PDE7B: variants seen among roughly 807,000 people sequenced by gnomAD.
PDE7B encodes the protein phosphodiesterase 7B, also known as 3',5'-cyclic-AMP phosphodiesterase 7B.
PDE7B carries 29 observed loss-of-function variants against 56.2 expected under a neutral mutation model. The ratio of observed to expected loss-of-function variants is 0.52; its 90% CI spans 0.38 to 0.70. The LOEUF is 0.70. PDE7B is among the 30% of genes least tolerant of loss of function. The pLI is 0.00. For missense variants in PDE7B, 490 were observed against 565.0 expected, an observed-to-expected ratio of 0.87 and a Z score of 1.35; for synonymous variants, 197 against 196.9, an observed-to-expected ratio of 1.00 and a Z score of 0.00.
chr6:135,873,055 T>C (rs1036684571), intron 1 of PDE7B, among the ~76,000 whole-genome samples: 4 of 152,152 alleles, frequency 2.6e-5, no homozygotes, highest in African/African-American at 9.7e-5. Context: ...TAACGAATAA[T>C]TTTTGTATAC....
chr6:136,023,106 A>G (rs1041139877), intron 2 of PDE7B, among the ~76,000 whole-genome samples: 1 of 152,160 alleles, frequency 6.6e-6, no homozygotes, highest in African/African-American at 2.4e-5. Flanking sequence ...CTGAGTCTCC[A>G]TCAGGCACTG....
intron 2 of PDE7B, among the ~76,000 whole-genome samples, chr6:135,956,774 C>G (rs965740777): frequency 4.0e-5 from 6 of 149,230 alleles, no homozygotes; most frequent in African/African-American, 1.5e-4. Flanking sequence ...AGAGCAAGAC[C>G]CTCTCAAAAA....
intron 2 of PDE7B, among the ~76,000 whole-genome samples, chr6:136,026,504 T>C (rs1776153567): frequency 2.0e-5 from 3 of 152,220 alleles, no homozygotes; most frequent in African/African-American, 4.8e-5. Context: ...TTTTCTTCAA[T>C]TCATCGGACT....
Position 136,151,164 on chromosome 6 carries a change from C to G in PDE7B, c.387C>G (p.Asn129Lys), listed in dbSNP as rs778430970. 6.3e-7 allele frequency: 1 copy of G among 1,591,372 alleles called. No homozygotes were observed. The highest frequency in any genetic ancestry group is 8.6e-7 in the Non-Finnish European group (1 of 1,160,454). ...IFLFDRLTNG[N>K]SLVTLLCHLF... ...GAAGTGACTGTTTTCCTGCAGGAAA[C>G]AGCCTGGTAACACTGTTGTGCCACC... The change falls in exon 6 of 13, where the codon AAC becomes AAG. Residue 129 changes from asparagine (N) to lysine (K), a missense_variant. Physicochemically the swap from Asn to Lys is moderately conservative, Grantham distance 94 (BLOSUM62 0). Coordinates refer to ENST00000308191, the MANE Select transcript of PDE7B (RefSeq NM_018945.4).
chr6:136,066,852 CTT>C (rs566149848), intron 2 of PDE7B, among the ~76,000 whole-genome samples: 47 of 138,230 alleles, frequency 3.4e-4, no homozygotes, highest in African/African-American at 6.9e-4. Context: ...TAACCATAAC[CTT>C]TTTTTTTTTT....
chr6:136,100,025 T>C (rs1010712166), intron 2 of PDE7B, among the ~76,000 whole-genome samples: 2 of 152,218 alleles, frequency 1.3e-5, no homozygotes, highest in African/African-American at 4.8e-5. Flanking sequence ...ATTTATTAAA[T>C]AGGGAATCCT....
At position 136,117,728 on chromosome 6, in the gene PDE7B, C is replaced by T. The variant is rs141978258; in HGVS notation, c.166+8914C>T. Among the ~76,000 whole-genome samples the T allele has an allele frequency of 4.2e-3, 633 of 152,300 alleles. 5 individuals carry two copies. The highest frequency in any genetic ancestry group is 7.3e-3 in the Non-Finnish European group (495 of 68,028). Reference sequence around the variant, plus strand: ...CACAGGATGTACAAGGCCAGGTGTGCACCCCTCTTAGGCAAGGTCCCCAGG... The same window carrying T: ...CACAGGATGTACAAGGCCAGGTGTGTACCCCTCTTAGGCAAGGTCCCCAGG... On this transcript the variant is annotated intron_variant, in intron 3 of 12. Transcript: ENST00000308191.
chr6:135,857,306 A>G (rs1179414502), intron 1 of PDE7B, among the ~76,000 whole-genome samples: 1 of 152,094 alleles, frequency 6.6e-6, no homozygotes, highest in African/African-American at 2.4e-5. Context: ...CTACATAGTC[A>G]TAATTCACAT....
chr6:136,175,827 T>C (rs1778967945), intron 9 of PDE7B, among the ~76,000 whole-genome samples: 1 of 152,166 alleles, frequency 6.6e-6, no homozygotes, highest in Non-Finnish European at 1.5e-5. Context: ...TCTGAACTTT[T>C]AAGTTTCTTG....
intron 2 of PDE7B, among the ~76,000 whole-genome samples, chr6:136,057,493 G>A (rs1776758357): frequency 6.6e-6 from 1 of 151,958 alleles, no homozygotes; most frequent in African/African-American, 2.4e-5. Flanking sequence ...TTAGGGTGGA[G>A]ATGCAGAGTT....
intron 2 of PDE7B, among the ~76,000 whole-genome samples, chr6:136,025,890 T>C (rs948580163): frequency 2.2e-4 from 34 of 152,242 alleles, no homozygotes; most frequent in Non-Finnish European, 5.9e-5. Context: ...TCTTTTTTTT[T>C]TCTTTTCCAT....
chr6:136,111,062 C>T (rs1215896039), intron 3 of PDE7B: 1 of 152,168 alleles, frequency 6.6e-6, no homozygotes, highest in African/African-American at 2.4e-5. Flanking sequence ...GTCTCCTCAG[C>T]ATTCCATTCC....
At position 136,010,609 on chromosome 6, in the gene PDE7B, T is replaced by C. The variant is rs562894893; in HGVS notation, c.82+63085T>C. 6.6e-5 allele frequency among the ~76,000 whole-genome samples: 10 copies of C among 152,098 alleles called. No individual in the cohort carries two copies. In the South Asian group the frequency reaches 2.1e-3, roughly 32 times the overall value. On this transcript the variant is annotated intron_variant, in intron 2 of 12. Coordinates refer to ENST00000308191, the MANE Select transcript of PDE7B (RefSeq NM_018945.4). ...TTAGTAGAAACAGGGTTTGCTCCCCTTTTAGATGTATTTTTGCTTGTTTTT... is the reference window on the plus strand; with the variant it reads ...TTAGTAGAAACAGGGTTTGCTCCCCCTTTAGATGTATTTTTGCTTGTTTTT...
intron 2 of PDE7B, among the ~76,000 whole-genome samples, chr6:135,947,823 T>A (rs1774618835): frequency 6.6e-6 from 1 of 152,072 alleles, no homozygotes; most frequent in Non-Finnish European, 1.5e-5. Flanking sequence ...GATGAAAAGG[T>A]AAGAACCATG....
intron 2 of PDE7B, among the ~76,000 whole-genome samples, chr6:136,001,375 G>T (rs1475361400): frequency 6.6e-6 from 1 of 152,218 alleles, no homozygotes; most frequent in Non-Finnish European, 1.5e-5. Flanking sequence ...GTTGAGAGAA[G>T]AATGCTTCAG....
chr6:136,167,482 C>G (rs899550488), intron 8 of PDE7B, among the ~76,000 whole-genome samples: 1 of 152,160 alleles, frequency 6.6e-6, no homozygotes, highest in African/African-American at 2.4e-5. Context: ...TCTCTCTTCA[C>G]CTGCTACCAT....
intron 2 of PDE7B, among the ~76,000 whole-genome samples, chr6:136,052,047 TAA>T (rs79463029): frequency 0.011 from 1,561 of 139,946 alleles, 29 homozygotes; most frequent in African/African-American, 0.036. Flanking sequence ...ACATTTAAAG[TAA>T]AAAAAAAAAA....
chr6:136,056,937 A>T (rs1776747698), intron 2 of PDE7B, among the ~76,000 whole-genome samples: 1 of 152,098 alleles, frequency 6.6e-6, no homozygotes, highest in Admixed American at 6.5e-5. Flanking sequence ...CTTTGGCCCT[A>T]TCATTAGGCA....
chr6:136,184,604 G>A (rs569306487), intron 11 of PDE7B, among the ~76,000 whole-genome samples: 218 of 152,284 alleles, frequency 1.4e-3, no homozygotes, highest in African/African-American at 4.7e-3. Context: ...CACTGAGGCC[G>A]GGATGCACCC....
Sources: allele counts gnomAD v4.1 joint callset (sites outside exome capture counted in the v4.1 genomes callset), GRCh38; gene constraint gnomAD v4.1.1; transcripts MANE v1.5; gene names NCBI Gene and HGNC (gene_info 2026-07-23, HGNC 2026-07-21).